Variants in IARS1 observed in about 807,000 individuals in gnomAD.
The protein encoded by IARS1 is isoleucine--tRNA ligase, cytoplasmic.
IARS1 carries 124 observed loss-of-function variants against 168.2 expected under a neutral mutation model. The observed-to-expected ratio is 0.74, with a 90% CI of 0.64 to 0.86. The LOEUF (loss-of-function observed/expected upper bound fraction) is 0.86. IARS1 is among the 40% of genes least tolerant of loss of function. The pLI is 0.00. For missense variants in IARS1, 1,452 were observed against 1,515.8 expected, an observed-to-expected ratio of 0.96 and a Z score of 0.70; for synonymous variants, 532 against 529.4, an observed-to-expected ratio of 1.00 and a Z score of -0.07.
At chr9:92,239,631 T>A (rs1230295779) in intron 30 of IARS1, among the ~76,000 whole-genome samples, 1 of 152,208 alleles carries the variant, frequency 6.6e-6, no homozygotes, top group Non-Finnish European at 1.5e-5. Context: ...ATGGGAGGGA[T>A]GCCTTGTTAC....
intron 24 of IARS1, 100 bp from the exon 25 acceptor site, chr9:92,250,041 C>T: frequency 1.1e-6 from 1 of 885,120 alleles, no homozygotes. Context: ...AAGCTCTAGT[C>T]AGGCTGGACT....
chr9:92,226,708 G>A (rs992436243), intron 31 of IARS1, among the ~76,000 whole-genome samples: 5 of 151,908 alleles, frequency 3.3e-5, no homozygotes, highest in Non-Finnish European at 7.4e-5. Context: ...GGCAATCTTG[G>A]TTGTTTCTTG....
At chr9:92,266,188 T>C (rs561075203) in intron 14 of IARS1, among the ~76,000 whole-genome samples, 9 of 152,314 alleles carry the variant, frequency 5.9e-5, no homozygotes, top group Admixed American at 2.0e-4. Context: ...TATGTGCAAA[T>C]TGTCAAAGTA....
At chr9:92,290,662 A>G (rs1368310862) in intron 1 of IARS1, among the ~76,000 whole-genome samples, 11 of 152,026 alleles carry the variant, frequency 7.2e-5, no homozygotes, top group African/African-American at 2.4e-4. Flanking sequence ...AAATAATTTT[A>G]TTTTCGTATA....
intron 13 of IARS1, 90 bp downstream of exon 13, chr9:92,269,795 T>C: frequency 2.5e-6 from 2 of 811,900 alleles, no homozygotes; most frequent in East Asian, 2.5e-5. Flanking sequence ...AAAAGATGGG[T>C]TATTAAAATT....
intron 18 of IARS1, 30 bp from the exon 19 acceptor site, chr9:92,259,028 AG>A (rs1291715541): frequency 1.3e-6 from 2 of 1,573,382 alleles, no homozygotes; most frequent in African/African-American, 2.7e-5. Context: ...TAGACAGAAA[AG>A]GTACTTAGAC....
intron 1 of IARS1, chr9:92,292,392 T>C (rs1455839969): frequency 6.5e-6 from 1 of 153,044 alleles, no homozygotes; most frequent in African/African-American, 2.4e-5. Flanking sequence ...TCCCCAAAGA[T>C]TAAGAATCAC....
At chr9:92,282,931 T>C (rs1167181913) in intron 6 of IARS1, among the ~76,000 whole-genome samples, 2 of 151,282 alleles carry the variant, frequency 1.3e-5, no homozygotes, top group African/African-American at 4.9e-5. Context: ...TTCGGCTCAC[T>C]GCAACCTCAA....
At chr9:92,242,986 A>G (rs537433059) in intron 28 of IARS1, 73 of 432,652 alleles carry the variant, frequency 1.7e-4, no homozygotes, top group South Asian at 1.5e-3. Context: ...GAGCTAAAAA[A>G]AAGGATGGGA....
intron 17 of IARS1, 58 bp from the exon 18 acceptor site, chr9:92,260,292 T>C (rs1831340795): frequency 9.2e-7 from 1 of 1,084,492 alleles, no homozygotes; most frequent in Non-Finnish European, 1.4e-6. Flanking sequence ...ATGATCTTGT[T>C]TTAAGGATAC....
In IARS1 at chr9:92,286,560, TAC is replaced by T; in HGVS notation, c.453_454del (p.Tyr152SerfsTer16). The T allele has an allele frequency of 1.9e-6, 3 of 1,593,602 alleles. No homozygotes were observed. Among genetic ancestry groups the T allele is most frequent in the South Asian group, 1.1e-5 (1 of 90,382 alleles). On this transcript the variant is annotated frameshift_variant, in exon 5 of 34. Transcript: ENST00000443024. LOFTEE classifies it high-confidence loss of function. ...CCAGACTGATTCCATGAATTGTGGA[TAC>T]AGAGTTTTATAGTCATTGTCAAAGT...
intron 31 of IARS1, among the ~76,000 whole-genome samples, chr9:92,225,164 TG>T (rs560013177): frequency 1.2e-4 from 18 of 152,224 alleles, no homozygotes; most frequent in Non-Finnish European, 2.5e-4. Context: ...TTGGTCTTAC[TG>T]GAACACACAC....
At chr9:92,291,708 C>G (rs1428267460) in intron 1 of IARS1, among the ~76,000 whole-genome samples, 1 of 152,214 alleles carries the variant, frequency 6.6e-6, no homozygotes, top group Non-Finnish European at 1.5e-5. Flanking sequence ...CAGAGGCCAA[C>G]TGAAACTTAT....
chr9:92,240,033 A>C (rs1201108499), intron 30 of IARS1, among the ~76,000 whole-genome samples: 1 of 152,126 alleles, frequency 6.6e-6, no homozygotes, highest in Admixed American at 6.5e-5. Flanking sequence ...AACTTTGGGT[A>C]TACGAGGCAG....
chr9:92,284,934 T>C lies in IARS1; in HGVS notation c.597+788A>G, dbSNP rs140807269. Among the ~76,000 whole-genome samples the C allele has an allele frequency of 4.7e-3, 723 of 152,282 alleles. 8 individuals carry two copies. The highest frequency in any genetic ancestry group is 6.8e-3 in the Middle Eastern group (2 of 294). ...GCACAGAGAGGTGGTAAGGAGATAA[T>C]AGAAATCATCATACCTGCCTTACAA... On this transcript the variant is annotated intron_variant, in intron 6 of 33. Transcript: ENST00000443024.
chr9:92,262,903 A>G, intron 17 of IARS1, 66 bp downstream of exon 17: 1 of 1,153,986 alleles, frequency 8.7e-7, no homozygotes, highest in Non-Finnish European at 1.3e-6. Flanking sequence ...GACCGCTCTC[A>G]CGCACTCCTT....
At chr9:92,222,816 G>T in intron 32 of IARS1, 144 bp from the exon 33 acceptor site, 1 of 638,016 alleles carries the variant, frequency 1.6e-6, no homozygotes, top group Non-Finnish European at 2.6e-6. Context: ...TGAAGATGCA[G>T]TCCATGCAGA....
In IARS1 at chr9:92,259,171, T is replaced by G. The variant is rs113854934; in HGVS notation, c.1872-173A>C. Among the ~76,000 whole-genome samples, 6 of 152,346 alleles carry G rather than the reference T, an allele frequency of 3.9e-5. 1 individual carries two copies. The highest frequency in any genetic ancestry group is 1.4e-4 in the African/African-American group (6 of 41,572). ...AAACTCACAAAACTCACTCTCACTT[T>G]CTATAAGAGACTTAGCAAATTATAA... On this transcript the variant is annotated intron_variant, in intron 18 of 33. Transcript: ENST00000443024.
chr9:92,270,877 A>G (rs1215084157), intron 12 of IARS1, 108 bp downstream of exon 12: 5 of 686,776 alleles, frequency 7.3e-6, no homozygotes, highest in Non-Finnish European at 1.2e-5. Context: ...CCAACTCTAA[A>G]GGATACAAGT....
Sources: allele counts gnomAD v4.1 joint callset (sites outside exome capture counted in the v4.1 genomes callset), GRCh38; gene constraint gnomAD v4.1.1; transcripts MANE v1.5; gene names NCBI Gene and HGNC (gene_info 2026-07-23, HGNC 2026-07-21).